The following KCTD16 variants were observed in gnomAD, a reference collection of about 807,000 sequenced individuals.
KCTD16 encodes the protein BTB/POZ domain-containing protein KCTD16.
KCTD16 carries 13 observed loss-of-function variants against 33.2 expected under a neutral mutation model. The ratio of observed to expected loss-of-function variants is 0.39; its 90% CI spans 0.25 to 0.62. The LOEUF (loss-of-function observed/expected upper bound fraction) is 0.62. KCTD16 is among the 20% of genes least tolerant of loss of function. The pLI, the probability that KCTD16 is intolerant of heterozygous loss-of-function variation, is 0.50. For missense variants in KCTD16, 441 were observed against 525.1 expected, an observed-to-expected ratio of 0.84 and a Z score of 1.57; for synonymous variants, 197 against 195.3, an observed-to-expected ratio of 1.01 and a Z score of -0.07.
At chr5:144,326,624 T>C (rs1752214246) in intron 3 of KCTD16, among the ~76,000 whole-genome samples, 1 of 151,856 alleles carries the variant, frequency 6.6e-6, no homozygotes, top group African/African-American at 2.4e-5. Context: ...TAACTGAAAA[T>C]GACTGCAAGG....
intron 3 of KCTD16, among the ~76,000 whole-genome samples, chr5:144,433,855 C>T (rs946998653): frequency 6.6e-6 from 1 of 152,120 alleles, no homozygotes. Flanking sequence ...TGGTGGTATA[C>T]ATCTTTTGTT....
rs570566784 is a variant in KCTD16 at position 144,473,904 on chromosome 5, G to A, written c.1077G>A (p.Met359Ile). Reference protein sequence around the residue: ...GPVQLIQQSEMRRKSDLLRTL... With the variant: ...GPVQLIQQSEIRRKSDLLRTL... ...TCCAGCTGATCCAACAGTCAGAGAT[G>A]CGGCGGAAAAGCGACTTACTCCGGA... The change falls in exon 4 of 4, where the codon ATG (methionine) becomes ATA (isoleucine). Residue 359 changes from methionine to isoleucine, a missense_variant. By Grantham distance (10) the Met-to-Ile change is conservative (BLOSUM62 1). Transcript: ENST00000512467. 38 of 1,614,080 alleles carry A rather than the reference G, an allele frequency of 2.4e-5. 2 individuals are homozygous for A. In the South Asian group the frequency reaches 4.1e-4, roughly 17 times the overall value.
At chr5:144,212,113 G>T (rs1444576626) in intron 3 of KCTD16, among the ~76,000 whole-genome samples, 1 of 152,056 alleles carries the variant, frequency 6.6e-6, no homozygotes, top group Non-Finnish European at 1.5e-5. Flanking sequence ...AAAACAAACC[G>T]CAGTTTAAGT....
intron 3 of KCTD16, among the ~76,000 whole-genome samples, chr5:144,359,027 T>C (rs1751641723): frequency 6.6e-6 from 1 of 152,222 alleles, no homozygotes; most frequent in South Asian, 2.1e-4. Flanking sequence ...TCTAGCTGCC[T>C]ACTCTGAGTA....
chr5:144,464,606 C>G (rs977021793), intron 3 of KCTD16, among the ~76,000 whole-genome samples: 1 of 152,214 alleles, frequency 6.6e-6, no homozygotes, highest in African/African-American at 2.4e-5. Flanking sequence ...TTGTAAAGCA[C>G]TTACTATCAC....
chr5:144,345,684 TC>T (rs1439712227), intron 3 of KCTD16, among the ~76,000 whole-genome samples: 1 of 152,056 alleles, frequency 6.6e-6, no homozygotes, highest in African/African-American at 2.4e-5. Flanking sequence ...ATTAGTGCTG[TC>T]CCACAGACAT....
intron 3 of KCTD16, among the ~76,000 whole-genome samples, chr5:144,298,874 C>T (rs371520989): frequency 6.6e-6 from 1 of 150,770 alleles, no homozygotes; most frequent in African/African-American, 2.4e-5. Context: ...TCTTTTCCTC[C>T]TTTCAGATGC....
intron 3 of KCTD16, among the ~76,000 whole-genome samples, chr5:144,246,505 A>C (rs529045816): frequency 3.9e-5 from 6 of 152,314 alleles, no homozygotes; most frequent in Admixed American, 3.9e-4. Flanking sequence ...AATAATTAAT[A>C]TAGAACTTTT....
chr5:144,230,128 C>T (rs563351633), intron 3 of KCTD16, among the ~76,000 whole-genome samples: 107 of 152,190 alleles, frequency 7.0e-4, no homozygotes, highest in Non-Finnish European at 1.1e-3. Flanking sequence ...GGTGACAGAG[C>T]AAGACTCTGC....
intron 3 of KCTD16, among the ~76,000 whole-genome samples, chr5:144,424,010 A>G (rs1753268387): frequency 6.6e-6 from 1 of 152,156 alleles, no homozygotes; most frequent in Non-Finnish European, 1.5e-5. Flanking sequence ...CTCACATTAA[A>G]AGGGTTGGAC....
intron 3 of KCTD16, among the ~76,000 whole-genome samples, chr5:144,438,064 T>C (rs1753619340): frequency 6.6e-6 from 1 of 152,216 alleles, no homozygotes; most frequent in Non-Finnish European, 1.5e-5. Context: ...TGTGAAATGA[T>C]TTTATGTATA....
At chr5:144,326,768 A>G (rs1018514311) in intron 3 of KCTD16, among the ~76,000 whole-genome samples, 11 of 152,174 alleles carry the variant, frequency 7.2e-5, no homozygotes, top group African/African-American at 2.7e-4. Context: ...CTAGGACCTA[A>G]TTCTTTGTCT....
chr5:144,322,469 G>A lies in KCTD16; in HGVS notation c.832+114923G>A, dbSNP rs1752096381. ...ATGAACTTGGAGTGACTGACACCCA[G>A]CTTACCACCATGAAAGAAAAATTTA... On this transcript the variant is annotated intron_variant, in intron 3 of 3. Transcript: ENST00000512467. 3.3e-5 allele frequency among the ~76,000 whole-genome samples: 5 copies of A among 152,018 alleles called. No individual in the cohort carries two copies. The South Asian group carries it at 1.0e-3, about 32-fold the overall frequency.
intron 3 of KCTD16, among the ~76,000 whole-genome samples, chr5:144,351,659 C>T (rs1458138687): frequency 6.6e-6 from 1 of 152,060 alleles, no homozygotes; most frequent in East Asian, 1.9e-4. Flanking sequence ...ACCTAGGTGT[C>T]CACCAATGAA....
intron 1 of KCTD16, among the ~76,000 whole-genome samples, chr5:144,174,057 A>G (rs900095921): frequency 3.0e-4 from 46 of 152,248 alleles, no homozygotes; most frequent in Non-Finnish European, 1.5e-4. Context: ...AGGTCAAGAG[A>G]TGAGGCAACA....
At chr5:144,197,448 T>C (rs1244790156) in intron 2 of KCTD16, among the ~76,000 whole-genome samples, 1 of 152,224 alleles carries the variant, frequency 6.6e-6, no homozygotes, top group Non-Finnish European at 1.5e-5. Context: ...TATATCCAGA[T>C]GAAACTTCTG....
At chr5:144,393,927 T>A (rs1340928175) in intron 3 of KCTD16, among the ~76,000 whole-genome samples, 1 of 151,980 alleles carries the variant, frequency 6.6e-6, no homozygotes, top group African/African-American at 2.4e-5. Flanking sequence ...TCATGCTGTT[T>A]TTTTCTTTTG....
At chr5:144,437,374 A>G (rs1185987338) in intron 3 of KCTD16, among the ~76,000 whole-genome samples, 3 of 152,164 alleles carry the variant, frequency 2.0e-5, no homozygotes, top group Non-Finnish European at 4.4e-5. Context: ...ATGGGTTAAT[A>G]GTGTGGATTC....
rs377389682 is a variant in KCTD16 at position 144,473,930 on chromosome 5, C to T, written c.1103C>T (p.Thr368Ile). ...CGGCGGAAAAGCGACTTACTCCGGA[C>T]TCTGACTTCAGGCTCCAGGGAATCG... ...EMRRKSDLLR[T>I]LTSGSRESNM... Residue 368 changes from threonine (T) to isoleucine (I), a missense_variant, in exon 4 of 4, where the codon ACT becomes ATT. By Grantham distance (89) the Thr-to-Ile change is moderately conservative (BLOSUM62 -1). Around this residue, in one of 3 missense-constraint regions of KCTD16, gnomAD observed 355 missense variants for 413.0 expected, o/e 0.86. Coordinates refer to ENST00000512467, the MANE Select transcript of KCTD16 (RefSeq NM_020768.4). 2 of 1,613,908 alleles carry T rather than the reference C, an allele frequency of 1.2e-6. No individual in the cohort carries two copies. The highest frequency in any genetic ancestry group is 1.1e-5 in the South Asian group (1 of 91,078).
Sources: allele counts gnomAD v4.1 joint callset (sites outside exome capture counted in the v4.1 genomes callset), GRCh38; gene constraint gnomAD v4.1.1; regional missense constraint gnomAD v4.1.1; transcripts MANE v1.5; gene names NCBI Gene and HGNC (gene_info 2026-07-23, HGNC 2026-07-21).